The following PELI2 variants were observed in gnomAD, a reference collection of about 807,000 sequenced individuals.
PELI2 encodes the protein pellino E3 ubiquitin protein ligase family member 2, also known as E3 ubiquitin-protein ligase pellino homolog 2.
PELI2 carries 23 observed loss-of-function variants against 42.3 expected under a neutral mutation model. The ratio of observed to expected loss-of-function variants is 0.54; its 90% CI spans 0.39 to 0.77. The LOEUF (loss-of-function observed/expected upper bound fraction) is 0.77, where lower values mean the gene tolerates loss of function less well. Ranked by LOEUF, PELI2 falls within the 30% of genes least tolerant of loss-of-function variation. PELI2 has a pLI of 0.00. For synonymous variants in PELI2, 245 were observed against 212.2 expected, an observed-to-expected ratio of 1.15 and a Z score of -1.34; for missense variants, 463 against 553.2, an observed-to-expected ratio of 0.84 and a Z score of 1.64.
rs1890114129 is a variant in PELI2, at chr14:56,299,645, A to G, written c.*2479A>G. On this transcript the variant is annotated 3_prime_UTR_variant, in exon 6 of 6. Coordinates refer to ENST00000267460, the MANE Select transcript of PELI2 (RefSeq NM_021255.3). ...CACAGTTGAGTTAGTTTGTGAAAATAAAGAACTCTGTAGCTCACCAAGGTG... is the reference window on the plus strand; with the variant it reads ...CACAGTTGAGTTAGTTTGTGAAAATGAAGAACTCTGTAGCTCACCAAGGTG... The G allele has an allele frequency of 1.3e-5, 2 of 152,176 alleles. No homozygotes were observed. Among genetic ancestry groups the G allele is most frequent in the Non-Finnish European group, 2.9e-5 (2 of 68,028 alleles). 9.4% of individuals were successfully genotyped at this position (152,176 alleles called of 1,614,324 possible).
chr14:56,254,394 C>T (rs1348227866), intron 2 of PELI2, among the ~76,000 whole-genome samples: 1 of 67,622 alleles, frequency 1.5e-5, no homozygotes, highest in East Asian at 3.0e-4. Flanking sequence ...AAGACTCCAT[C>T]TCAAAAAAAA....
chr14:56,229,134 C>A (rs543633335), intron 2 of PELI2, among the ~76,000 whole-genome samples: 20 of 152,336 alleles, frequency 1.3e-4, no homozygotes, highest in African/African-American at 4.6e-4. Context: ...CGCAGGAGGC[C>A]TGCCTGTCTC....
chr14:56,157,093 C>A (rs116608973), intron 1 of PELI2, among the ~76,000 whole-genome samples: 1,901 of 152,218 alleles, frequency 0.012, 41 homozygotes, highest in African/African-American at 0.044. Context: ...ATTTTCGTGG[C>A]GTACATGAAG....
At chr14:56,256,044 C>G (rs559181127) in intron 2 of PELI2, among the ~76,000 whole-genome samples, 1 of 152,262 alleles carries the variant, frequency 6.6e-6, no homozygotes, top group Non-Finnish European at 1.5e-5. Flanking sequence ...ACTCCAGTAC[C>G]CTTTCTTACT....
intron 1 of PELI2, among the ~76,000 whole-genome samples, chr14:56,156,308 T>C (rs552832201): frequency 5.5e-4 from 84 of 152,254 alleles, no homozygotes; most frequent in African/African-American, 2.0e-3. Flanking sequence ...CAAAATATAT[T>C]TTTTGATGCT....
intron 1 of PELI2, among the ~76,000 whole-genome samples, chr14:56,142,344 A>C (rs1234793131): frequency 6.6e-6 from 1 of 152,172 alleles, no homozygotes; most frequent in African/African-American, 2.4e-5. Flanking sequence ...CCGAGCCATT[A>C]GGCTCCCATT....
At chr14:56,165,961 T>C (rs1240055069) in intron 1 of PELI2, among the ~76,000 whole-genome samples, 1 of 152,164 alleles carries the variant, frequency 6.6e-6, no homozygotes, top group African/African-American at 2.4e-5. Context: ...CAATGGGTCT[T>C]TACATTAAAT....
At chr14:56,280,469 C>G (rs1889446026) in intron 3 of PELI2, among the ~76,000 whole-genome samples, 1 of 151,578 alleles carries the variant, frequency 6.6e-6, no homozygotes, top group Admixed American at 6.6e-5. Context: ...TTTAAAACAA[C>G]AAACAATTAA....
At chr14:56,277,172 T>C (rs1012041547) in intron 2 of PELI2, among the ~76,000 whole-genome samples, 6 of 152,216 alleles carry the variant, frequency 3.9e-5, no homozygotes, top group African/African-American at 1.4e-4. Context: ...TAGTGGTCTG[T>C]GGCCTGTTTG....
At chr14:56,121,448 G>A (rs1689377719) in intron 1 of PELI2, among the ~76,000 whole-genome samples, 1 of 151,968 alleles carries the variant, frequency 6.6e-6, no homozygotes, top group African/African-American at 2.4e-5. Flanking sequence ...TCACTTTCTG[G>A]GCTGATTAGT....
At chr14:56,267,224 G>GT (rs1307983109) in intron 2 of PELI2, among the ~76,000 whole-genome samples, 1 of 151,976 alleles carries the variant, frequency 6.6e-6, no homozygotes, top group Non-Finnish European at 1.5e-5. Flanking sequence ...GATTATGAAT[G>GT]TTATAGTAAT....
chr14:56,250,598 T>C (rs1438928277), intron 2 of PELI2, among the ~76,000 whole-genome samples: 2 of 152,150 alleles, frequency 1.3e-5, no homozygotes, highest in Non-Finnish European at 2.9e-5. Flanking sequence ...CGGAGTCTGA[T>C]GTTCGAGGGC....
In PELI2 at chr14:56,180,161, G is replaced by C. The variant is rs1885526687; in HGVS notation, c.207+1697G>C. 6.6e-6 allele frequency among the ~76,000 whole-genome samples: 1 copy of C among 152,102 alleles called. No individual in the cohort carries two copies. The highest frequency in any genetic ancestry group is 2.4e-5 in the African/African-American group (1 of 41,400). On this transcript the variant is annotated intron_variant, in intron 2 of 5. Coordinates refer to ENST00000267460, the MANE Select transcript of PELI2 (RefSeq NM_021255.3). This position sits in a 1 kb window ranked among gnomAD's most constrained non-coding sequence, Gnocchi z 4.4. ...AAAAATATTACCCACAGTACTAAAA[G>C]TAGGGCAGATTGGGTTTAGGTCTTG...
chr14:56,274,889 C>T (rs1362899920), intron 2 of PELI2, among the ~76,000 whole-genome samples: 3 of 152,120 alleles, frequency 2.0e-5, no homozygotes, highest in Non-Finnish European at 4.4e-5. Flanking sequence ...TGTAATTGCC[C>T]AGTTATATTT....
intron 1 of PELI2, among the ~76,000 whole-genome samples, chr14:56,155,045 C>G (rs977271350): frequency 3.9e-5 from 6 of 152,056 alleles, no homozygotes; most frequent in African/African-American, 1.4e-4. Flanking sequence ...TATTCATGTT[C>G]TTTGCCAGTT....
chr14:56,267,013 A>G (rs1888931397), intron 2 of PELI2, among the ~76,000 whole-genome samples: 2 of 152,074 alleles, frequency 1.3e-5, no homozygotes. Flanking sequence ...GTGCTGGTAT[A>G]GGCATAGACT....
intron 2 of PELI2, among the ~76,000 whole-genome samples, chr14:56,203,232 C>T (rs762309459): frequency 1.4e-4 from 22 of 151,970 alleles, no homozygotes; most frequent in African/African-American, 4.4e-4. Context: ...CCCAGCTACT[C>T]GGGAGGCTGA....
intron 2 of PELI2, among the ~76,000 whole-genome samples, chr14:56,242,474 A>G (rs895157917): frequency 6.6e-6 from 1 of 152,234 alleles, no homozygotes; most frequent in Non-Finnish European, 1.5e-5. Context: ...TAGAACTGCC[A>G]TTTGATCCAG....
At chr14:56,270,587 A>G (rs1338666152) in intron 2 of PELI2, among the ~76,000 whole-genome samples, 1 of 152,250 alleles carries the variant, frequency 6.6e-6, no homozygotes, top group Non-Finnish European at 1.5e-5. Flanking sequence ...GTCAATATCT[A>G]GCATATACTT....
Sources: gnomAD v4.1 joint callset for allele counts (sites outside exome capture counted in the v4.1 genomes callset) on GRCh38, gnomAD v4.1.1 for gene constraint, Gnocchi (gnomAD v3.1) non-coding constraint, MANE v1.5 for transcripts, NCBI Gene and HGNC (gene_info 2026-07-23, HGNC 2026-07-21) for gene names.